The following EMILIN2 variants were observed in gnomAD, a reference collection of about 807,000 sequenced individuals.
EMILIN2 encodes EMILIN-2.
In EMILIN2, 71 loss-of-function variants were observed where a neutral mutation model predicts 87.1. That is an observed-to-expected ratio of 0.82 (90% CI 0.67 to 0.99). The LOEUF (loss-of-function observed/expected upper bound fraction) is 0.99, where lower values mean the gene tolerates loss of function less well. EMILIN2 is among the 50% of genes least tolerant of loss of function. The pLI is 0.00. For synonymous variants in EMILIN2, 581 were observed against 563.4 expected, an observed-to-expected ratio of 1.03 and a Z score of -0.44; for missense variants, 1,407 against 1,371.8, an observed-to-expected ratio of 1.03 and a Z score of -0.40.
chr18:2,853,479 T>G (rs371064390), intron 2 of EMILIN2, among the ~76,000 whole-genome samples: 1 of 144,660 alleles, frequency 6.9e-6, no homozygotes, highest in South Asian at 2.1e-4. Context: ...TGGAATTCTT[T>G]GAGGCACTGG....
intron 2 of EMILIN2, among the ~76,000 whole-genome samples, chr18:2,858,280 A>C (rs959778342): frequency 2.0e-5 from 3 of 150,926 alleles, no homozygotes; most frequent in Non-Finnish European, 4.4e-5. Flanking sequence ...TATACACGGA[A>C]CCCAATTTGT....
At chr18:2,852,335 C>A (rs1267011540) in intron 2 of EMILIN2, among the ~76,000 whole-genome samples, 2 of 152,160 alleles carry the variant, frequency 1.3e-5, no homozygotes, top group African/African-American at 4.8e-5. Flanking sequence ...AGTTATCGGA[C>A]ATACTGCATG....
In EMILIN2 at chr18:2,880,714, C is replaced by A. The variant is rs889845897; in HGVS notation, c.258-4250C>A. Among the ~76,000 whole-genome samples, 1 of 152,208 alleles carries A rather than the reference C, an allele frequency of 6.6e-6. No individual in the cohort carries two copies. The highest frequency in any genetic ancestry group is 2.4e-5 in the African/African-American group (1 of 41,448). The stretch of plus-strand genomic sequence containing the variant: ...GACTGATTCTGTATCGAGTGAGCAT[C>A]TCCCGTGTGCTCACAGCCCGGGGCC... On this transcript the variant is annotated intron_variant, in intron 2 of 7. Coordinates refer to ENST00000254528, the MANE Select transcript of EMILIN2 (RefSeq NM_032048.3). This position sits in a 1 kb window ranked among gnomAD's most constrained non-coding sequence, Gnocchi z 4.1.
At chr18:2,881,959 T>C (rs1355425611) in intron 2 of EMILIN2, among the ~76,000 whole-genome samples, 3 of 152,326 alleles carry the variant, frequency 2.0e-5, no homozygotes, top group Admixed American at 2.0e-4. Context: ...GCCTACCTTC[T>C]TACCCAGCCC....
chr18:2,858,014 G>A (rs772553140), intron 2 of EMILIN2, among the ~76,000 whole-genome samples: 1 of 152,104 alleles, frequency 6.6e-6, no homozygotes, highest in African/African-American at 2.4e-5. Flanking sequence ...TCCTTCTCAC[G>A]GCCGGTGCAG....
intron 2 of EMILIN2, among the ~76,000 whole-genome samples, chr18:2,867,106 G>C (rs2143982006): frequency 6.6e-6 from 1 of 152,178 alleles, no homozygotes; most frequent in South Asian, 2.1e-4. Context: ...CTAGTATTTT[G>C]TTAAGGATTT....
intron 2 of EMILIN2, among the ~76,000 whole-genome samples, chr18:2,856,175 A>G (rs1219458233): frequency 6.6e-6 from 1 of 152,088 alleles, no homozygotes; most frequent in African/African-American, 2.4e-5. Context: ...AGGAGTTTGA[A>G]TCCAGCCTGG....
chr18:2,867,990 C>A (rs554888880), intron 2 of EMILIN2, among the ~76,000 whole-genome samples: 94 of 151,792 alleles, frequency 6.2e-4, no homozygotes, highest in Middle Eastern at 3.4e-3. Flanking sequence ...CTGACCCCCC[C>A]ACCTCCCTCC....
At chr18:2,867,063 C>T (rs894426520) in intron 2 of EMILIN2, among the ~76,000 whole-genome samples, 2 of 152,092 alleles carry the variant, frequency 1.3e-5, no homozygotes, top group African/African-American at 4.8e-5. Flanking sequence ...GATATGGTGG[C>T]TTATCTTTTC....
chr18:2,905,933 A>T (rs927496960), intron 4 of EMILIN2, among the ~76,000 whole-genome samples: 4 of 151,996 alleles, frequency 2.6e-5, no homozygotes, highest in Non-Finnish European at 4.4e-5. Flanking sequence ...CCGCTTAGGG[A>T]GTTTTAAAAC....
rs2076856455 is a variant in EMILIN2 at position 2,894,911 on chromosome 18, CGATGTGCAAGGCTCTTGGGGGACCTGGA to C, written c.2359+2429_2359+2456del. On this transcript the variant is annotated intron_variant, in intron 4 of 7. Transcript: ENST00000254528. The surrounding 1 kb of genome is among the most constrained non-coding windows in gnomAD (Gnocchi z 5.0). ...CAACAGAATGTTTATTGAGTGCCTA[CGATGTGCAAGGCTCTTGGGGGACCTGGA>C]GATAAGTAGGCATAATCCTTATTCT... Among the ~76,000 whole-genome samples the C allele has an allele frequency of 1.3e-5, 2 of 152,074 alleles. No individual in the cohort carries two copies. The highest frequency in any genetic ancestry group is 4.8e-5 in the African/African-American group (2 of 41,408).
At position 2,869,141 on chromosome 18, in the gene EMILIN2, A is replaced by T. The variant is rs145444019; in HGVS notation, c.258-15823A>T. On this transcript the variant is annotated intron_variant, in intron 2 of 7. Transcript: ENST00000254528. The stretch of plus-strand genomic sequence containing the variant: ...GTTAAACCTACATTCTGAAACTTTG[A>T]CAAAGACTTAATGATGCTGATTTTA... 2.0e-5 allele frequency among the ~76,000 whole-genome samples: 3 copies of T among 152,332 alleles called. No individual in the cohort carries two copies. The East Asian group carries it at 5.8e-4, about 29-fold the overall frequency.
At chr18:2,860,412 A>G (rs1026211291) in intron 2 of EMILIN2, among the ~76,000 whole-genome samples, 12 of 151,936 alleles carry the variant, frequency 7.9e-5, no homozygotes, top group Non-Finnish European at 1.3e-4. Flanking sequence ...AACAGGCCCC[A>G]GTGTGTGATG....
chr18:2,881,694 A>C (rs2076777567), intron 2 of EMILIN2, among the ~76,000 whole-genome samples: 1 of 152,214 alleles, frequency 6.6e-6, no homozygotes, highest in South Asian at 2.1e-4. Flanking sequence ...CCGATGAACA[A>C]AACCCGAGAG....
At chr18:2,897,826 C>T (rs2076870486) in intron 4 of EMILIN2, among the ~76,000 whole-genome samples, 1 of 150,796 alleles carries the variant, frequency 6.6e-6, no homozygotes, top group South Asian at 2.1e-4. Context: ...CACACCACTG[C>T]ACTCCAGCCT....
At chr18:2,854,802 A>T (rs78090594) in intron 2 of EMILIN2, among the ~76,000 whole-genome samples, 2,009 of 152,278 alleles carry the variant, frequency 0.013, 41 homozygotes, top group African/African-American at 0.045. Context: ...CAAACAAAAA[A>T]ACCCAGAACA....
intron 5 of EMILIN2, among the ~76,000 whole-genome samples, chr18:2,908,213 T>C (rs2076923842): frequency 6.6e-6 from 1 of 152,214 alleles, no homozygotes; most frequent in Non-Finnish European, 1.5e-5. Flanking sequence ...TGTTCCCTCA[T>C]TTGTCCATCC....
intron 2 of EMILIN2, among the ~76,000 whole-genome samples, chr18:2,868,797 G>C (rs905225266): frequency 1.3e-5 from 2 of 151,972 alleles, no homozygotes; most frequent in African/African-American, 4.8e-5. Context: ...AAAGAGGAGA[G>C]GGAGAGGGAG....
At chr18:2,876,201 T>C (rs964665681) in intron 2 of EMILIN2, among the ~76,000 whole-genome samples, 2 of 151,812 alleles carry the variant, frequency 1.3e-5, no homozygotes, top group Non-Finnish European at 2.9e-5. Context: ...CAGGATGGTC[T>C]CGATCTCTTG....
Sources: allele counts gnomAD v4.1 joint callset (sites outside exome capture counted in the v4.1 genomes callset), GRCh38; gene constraint gnomAD v4.1.1; non-coding constraint Gnocchi (gnomAD v3.1); transcripts MANE v1.5; gene names NCBI Gene and HGNC (gene_info 2026-07-23, HGNC 2026-07-21).